The following NKAIN2 variants were observed in gnomAD, a reference collection of about 807,000 sequenced individuals.
The protein encoded by NKAIN2 is sodium/potassium-transporting ATPase subunit beta-1-interacting protein 2.
A neutral mutation model predicts 32.6 loss-of-function variants in NKAIN2; 14 were observed. The ratio of observed to expected loss-of-function variants is 0.43; its 90% confidence interval spans 0.28 to 0.67. The LOEUF is 0.67. NKAIN2 is among the 30% of genes least tolerant of loss of function. NKAIN2 has a pLI of 0.17. For missense variants in NKAIN2, 198 were observed against 258.3 expected (o/e 0.77, Z 1.60); for synonymous variants, 80 against 87.2 (o/e 0.92, Z 0.46).
chr6:124,347,596 C>A (rs1443127028), intron 2 of NKAIN2, among the ~76,000 whole-genome samples: 2 of 152,172 alleles, frequency 1.3e-5, no homozygotes, highest in Non-Finnish European at 2.9e-5. Flanking sequence ...CATCTTCCGT[C>A]ACTGATACCC....
intron 3 of NKAIN2, among the ~76,000 whole-genome samples, chr6:124,412,315 T>C (rs962324807): frequency 6.6e-6 from 1 of 152,172 alleles, no homozygotes; most frequent in Non-Finnish European, 1.5e-5. Flanking sequence ...TTTTATCTAC[T>C]TTTGGTCTTT....
intron 1 of NKAIN2, among the ~76,000 whole-genome samples, chr6:123,830,207 T>C (rs1442238388): frequency 6.6e-6 from 1 of 152,204 alleles, no homozygotes; most frequent in Non-Finnish European, 1.5e-5. Context: ...GACCACTAAA[T>C]AGCCTAACTT....
rs1279772079 is a variant in NKAIN2, at chr6:123,822,838, G to C, written c.54+18584G>C. ...TGTAATGTATTTACTTCAGAGAGCT[G>C]TTGGAAGAATTTGAGTAGTTAATGC... On this transcript the variant is annotated intron_variant, in intron 1 of 6. Transcript: ENST00000368417. 3.9e-5 allele frequency among the ~76,000 whole-genome samples: 6 copies of C among 152,302 alleles called. No individual in the cohort carries two copies. The East Asian group carries it at 9.6e-4, about 24-fold the overall frequency.
chr6:124,516,678 A>G (rs1028927872), intron 3 of NKAIN2, among the ~76,000 whole-genome samples: 9 of 152,166 alleles, frequency 5.9e-5, no homozygotes, highest in African/African-American at 2.2e-4. Flanking sequence ...TGTGTATTTT[A>G]GTCACACAAC....
intron 3 of NKAIN2, among the ~76,000 whole-genome samples, chr6:124,540,963 TATC>T (rs1417254335): frequency 6.6e-6 from 1 of 152,178 alleles, no homozygotes; most frequent in Non-Finnish European, 1.5e-5. Context: ...CTTTTCAACT[TATC>T]ATGGGCTTAT....
chr6:124,218,631 A>G (rs185090006), intron 1 of NKAIN2, among the ~76,000 whole-genome samples: 1 of 152,312 alleles, frequency 6.6e-6, no homozygotes, highest in African/African-American at 2.4e-5. Flanking sequence ...ACATTGGCTG[A>G]TACTTATTTT....
intron 1 of NKAIN2, among the ~76,000 whole-genome samples, chr6:123,938,054 A>G (rs1488592541): frequency 8.6e-6 from 1 of 116,246 alleles, no homozygotes; most frequent in Non-Finnish European, 1.8e-5. Context: ...AACCGCTGAT[A>G]GCAGCCACCT....
At chr6:123,973,181 A>G (rs1017615959) in intron 1 of NKAIN2, among the ~76,000 whole-genome samples, 3 of 152,084 alleles carry the variant, frequency 2.0e-5, no homozygotes, top group Admixed American at 6.6e-5. Context: ...TTCCTGCTGG[A>G]AACCAGGAAA....
chr6:123,846,548 ATAT>A (rs1775097990), intron 1 of NKAIN2, among the ~76,000 whole-genome samples: 2 of 152,204 alleles, frequency 1.3e-5, no homozygotes, highest in Non-Finnish European at 2.9e-5. Context: ...TTTAGAGGTG[ATAT>A]TATCTCAGTT....
chr6:124,742,181 G>C (rs975708023), intron 4 of NKAIN2, among the ~76,000 whole-genome samples: 2 of 151,746 alleles, frequency 1.3e-5, no homozygotes, highest in African/African-American at 2.4e-5. Context: ...TGGGTTACAG[G>C]GTACCCAGAT....
chr6:124,423,402 T>C (rs558195871), intron 3 of NKAIN2, among the ~76,000 whole-genome samples: 7 of 152,196 alleles, frequency 4.6e-5, no homozygotes, highest in Non-Finnish European at 7.3e-5. Context: ...ATGTTCTCCA[T>C]ATGTAAAATG....
intron 2 of NKAIN2, among the ~76,000 whole-genome samples, chr6:124,305,261 G>A (rs918309696): frequency 6.6e-6 from 1 of 152,182 alleles, no homozygotes; most frequent in Non-Finnish European, 1.5e-5. Flanking sequence ...AGTGGAGAAT[G>A]TATTTGGGTA....
At chr6:124,488,420 A>G (rs1023723664) in intron 3 of NKAIN2, among the ~76,000 whole-genome samples, 7 of 152,052 alleles carry the variant, frequency 4.6e-5, no homozygotes, top group Admixed American at 6.6e-5. Context: ...TTACAATGAA[A>G]AAAAGAAAAC....
At position 124,315,304 on chromosome 6, in the gene NKAIN2, G is replaced by A. The variant is rs536918812; in HGVS notation, c.192+32162G>A. ...AAAGTGACAAGAATCCAGAGATAAA[G>A]GTACCGATTTTTTCTAAAAGGATAT... is the stretch of plus-strand genomic sequence containing the variant. On this transcript the variant is annotated intron_variant, in intron 2 of 6. Coordinates refer to ENST00000368417, the MANE Select transcript of NKAIN2 (RefSeq NM_001040214.3). Among the ~76,000 whole-genome samples, 78 of 151,884 alleles carry A rather than the reference G, an allele frequency of 5.1e-4. 1 individual carries two copies. Among genetic ancestry groups the A allele is most frequent in the Admixed American group, 9.2e-4 (14 of 15,204 alleles).
chr6:124,789,019 C>G (rs1458869653), intron 4 of NKAIN2, among the ~76,000 whole-genome samples: 1 of 151,978 alleles, frequency 6.6e-6, no homozygotes, highest in Non-Finnish European at 1.5e-5. Context: ...CAAAATGCAG[C>G]AGGATTTACT....
At chr6:124,517,966 C>T (rs545965285) in intron 3 of NKAIN2, among the ~76,000 whole-genome samples, 2 of 151,978 alleles carry the variant, frequency 1.3e-5, no homozygotes, top group East Asian at 3.9e-4. Context: ...TTTGCATTGT[C>T]AAGTATTTTA....
chr6:124,355,959 AC>A (rs1309998459), intron 3 of NKAIN2, among the ~76,000 whole-genome samples: 1 of 152,172 alleles, frequency 6.6e-6, no homozygotes, highest in East Asian at 1.9e-4. Context: ...CAGATCTCGA[AC>A]ACCATCATCC....
chr6:123,938,145 C>A (rs1402272210), intron 1 of NKAIN2, among the ~76,000 whole-genome samples: 1 of 151,756 alleles, frequency 6.6e-6, no homozygotes, highest in African/African-American at 2.4e-5. Context: ...CTGTCACTTG[C>A]AGTCTAATGC....
At chr6:124,290,752 C>T (rs1400100896) in intron 2 of NKAIN2, among the ~76,000 whole-genome samples, 1 of 151,482 alleles carries the variant, frequency 6.6e-6, no homozygotes, top group Non-Finnish European at 1.5e-5. Flanking sequence ...AATACATTTC[C>T]AATTCATGTG....
Sources: gnomAD v4.1 joint callset for allele counts (sites outside exome capture counted in the v4.1 genomes callset) on GRCh38, gnomAD v4.1.1 for gene constraint, MANE v1.5 for transcripts, NCBI Gene and HGNC (gene_info 2026-07-23, HGNC 2026-07-21) for gene names.